Variants in PDE1C observed in about 807,000 individuals in gnomAD.
PDE1C encodes the protein phosphodiesterase 1C.
In PDE1C, 62 loss-of-function variants were observed where a neutral mutation model predicts 93.1. That is an observed-to-expected ratio of 0.67 (90% CI 0.54 to 0.82). The LOEUF (loss-of-function observed/expected upper bound fraction) is 0.82, where lower values mean the gene tolerates loss of function less well. PDE1C is among the 40% of genes least tolerant of loss of function. PDE1C has a pLI of 0.00. For synonymous variants in PDE1C, 325 were observed against 310.1 expected (o/e 1.05, Z -0.50); for missense variants, 742 against 884.6 (o/e 0.84, Z 2.04).
chr7:32,058,368 CGT>C, intron 1 of PDE1C, among the ~76,000 whole-genome samples: 1 of 152,264 alleles, frequency 6.6e-6, no homozygotes, highest in South Asian at 2.1e-4. Context: ...CAGCAAGGCT[CGT>C]GTAGTTAACT....
At chr7:32,117,013 A>G (rs1298133190) in intron 3 of PDE1C, among the ~76,000 whole-genome samples, 4 of 152,154 alleles carry the variant, frequency 2.6e-5, no homozygotes, top group African/African-American at 9.7e-5. Context: ...TTATTGCTCA[A>G]CTACACAAGT....
At chr7:32,313,913 A>C (rs987473029) in intron 1 of PDE1C, among the ~76,000 whole-genome samples, 1 of 152,036 alleles carries the variant, frequency 6.6e-6, no homozygotes, top group African/African-American at 2.4e-5. Flanking sequence ...ATAATAATAA[A>C]ATAAAATAAA....
intron 2 of PDE1C, among the ~76,000 whole-genome samples, chr7:31,987,025 T>C (rs1783507155): frequency 6.6e-6 from 1 of 152,034 alleles, no homozygotes; most frequent in Non-Finnish European, 1.5e-5. Flanking sequence ...TCAATGCTGA[T>C]TAAATTAAAT....
At chr7:32,045,640 T>TA (rs1792445958) in intron 2 of PDE1C, among the ~76,000 whole-genome samples, 1 of 152,208 alleles carries the variant, frequency 6.6e-6, no homozygotes, top group Admixed American at 6.5e-5. Flanking sequence ...CCCAACAAGT[T>TA]ACTTAGCTGC....
intron 3 of PDE1C, among the ~76,000 whole-genome samples, chr7:32,130,482 G>A (rs1222477542): frequency 6.6e-6 from 1 of 151,942 alleles, no homozygotes; most frequent in Non-Finnish European, 1.5e-5. Flanking sequence ...ACTCTCCTAA[G>A]AGCTAGGATA....
chr7:32,162,127 T>G (rs1801963716), intron 3 of PDE1C, among the ~76,000 whole-genome samples: 1 of 152,218 alleles, frequency 6.6e-6, no homozygotes, highest in African/African-American at 2.4e-5. Context: ...ATTACAATTT[T>G]ATCCTTATGT....
intron 1 of PDE1C, among the ~76,000 whole-genome samples, chr7:32,055,084 G>A (rs1291523573): frequency 6.6e-6 from 1 of 152,184 alleles, no homozygotes; most frequent in African/African-American, 2.4e-5. Flanking sequence ...AAGAATGATG[G>A]CTTACCTGAC....
chr7:32,047,029 A>AC (rs1377815384), intron 2 of PDE1C, among the ~76,000 whole-genome samples: 2 of 75,578 alleles, frequency 2.6e-5, no homozygotes, highest in African/African-American at 5.7e-5. Flanking sequence ...ATACTGAAAT[A>AC]GGGGTGTGTG....
intron 7 of PDE1C, among the ~76,000 whole-genome samples, chr7:31,853,698 T>C (rs1467821816): frequency 6.6e-6 from 1 of 151,560 alleles, no homozygotes; most frequent in Non-Finnish European, 1.5e-5. Flanking sequence ...GTTTTTTTGT[T>C]TTCGTTTTGT....
chr7:31,872,677 T>G (rs1437626481), intron 6 of PDE1C, among the ~76,000 whole-genome samples: 1 of 152,152 alleles, frequency 6.6e-6, no homozygotes, highest in East Asian at 1.9e-4. Context: ...ATACCATAGA[T>G]GTTGGCAGAT....
At chr7:31,824,348 G>T (rs1425853514) in intron 13 of PDE1C, among the ~76,000 whole-genome samples, 2 of 152,122 alleles carry the variant, frequency 1.3e-5, no homozygotes, top group Non-Finnish European at 2.9e-5. Context: ...GATGGGGGAA[G>T]TGAGACAATT....
chr7:32,222,078 C>G (rs1806909026), intron 1 of PDE1C, among the ~76,000 whole-genome samples: 2 of 152,172 alleles, frequency 1.3e-5, no homozygotes, highest in Admixed American at 1.3e-4. Context: ...AAAGGCAGTA[C>G]TTTGAGCTCA....
chr7:31,919,779 C>T (rs1270337316), intron 2 of PDE1C, among the ~76,000 whole-genome samples: 1 of 152,296 alleles, frequency 6.6e-6, no homozygotes, highest in East Asian at 1.9e-4. Flanking sequence ...TCCAGTCCAC[C>T]TGTTAGAGGC....
the PDE1C span, among the ~76,000 whole-genome samples, chr7:31,685,796 A>T: frequency 1.3e-5 from 2 of 152,182 alleles, no homozygotes; most frequent in African/African-American, 4.8e-5. Context: ...CTCAACATCT[A>T]GGGCCTTCCC....
At chr7:31,947,332 G>GT (rs1306023840) in intron 2 of PDE1C, among the ~76,000 whole-genome samples, 1 of 152,064 alleles carries the variant, frequency 6.6e-6, no homozygotes, top group Non-Finnish European at 1.5e-5. Context: ...TACCTTCATG[G>GT]CAACATCTAA....
At chr7:32,345,073 T>C (rs1054635548) in intron 1 of PDE1C, among the ~76,000 whole-genome samples, 1 of 152,140 alleles carries the variant, frequency 6.6e-6, no homozygotes, top group African/African-American at 2.4e-5. Flanking sequence ...CCTCAAACCA[T>C]GCCCCTTCTG....
At chr7:32,268,448 C>T (rs560008880) in intron 1 of PDE1C, among the ~76,000 whole-genome samples, 6 of 152,250 alleles carry the variant, frequency 3.9e-5, no homozygotes, top group African/African-American at 1.2e-4. Context: ...AAGCATAGCA[C>T]ATAAAGACAC....
the PDE1C span, among the ~76,000 whole-genome samples, chr7:31,651,573 T>G: frequency 6.6e-6 from 1 of 152,060 alleles, no homozygotes; most frequent in East Asian, 1.9e-4. Flanking sequence ...TATGAGAGTT[T>G]TGAAAATCTG....
chr7:31,689,893 C>T, the PDE1C span, among the ~76,000 whole-genome samples: 1 of 152,320 alleles, frequency 6.6e-6, no homozygotes, highest in African/African-American at 2.4e-5. Flanking sequence ...CTCTCAGCCC[C>T]TTAGCAAACA....
Sources: gnomAD v4.1 joint callset for allele counts (sites outside exome capture counted in the v4.1 genomes callset) on GRCh38, gnomAD v4.1.1 for gene constraint, MANE v1.5 for transcripts, NCBI Gene and HGNC (gene_info 2026-07-23, HGNC 2026-07-21) for gene names.